The following ST6GAL1 variants were observed in gnomAD, a reference collection of about 807,000 sequenced individuals.
ST6GAL1 encodes ST6 beta-galactoside alpha-2,6-sialyltransferase 1, also known as beta-galactoside alpha-2,6-sialyltransferase 1.
Under a neutral mutation model 38.0 loss-of-function variants are expected in ST6GAL1, and 20 were observed. The observed-to-expected ratio is 0.53, with a 90% confidence interval of 0.37 to 0.77. ST6GAL1 has a LOEUF of 0.77. Ranked by LOEUF, ST6GAL1 falls within the 30% of genes least tolerant of loss-of-function variation. The probability of loss-of-function intolerance (pLI) is 0.00; values close to 1 mark genes in which losing one functional copy is unlikely to be tolerated. For synonymous variants in ST6GAL1, 196 were observed against 188.2 expected (o/e 1.04, Z -0.34); for missense variants, 432 against 496.4 (o/e 0.87, Z 1.23).
At chr3:186,981,365 T>C (rs1165375810) in intron 2 of ST6GAL1, among the ~76,000 whole-genome samples, 7 of 152,226 alleles carry the variant, frequency 4.6e-5, no homozygotes, top group Non-Finnish European at 1.0e-4. Flanking sequence ...GGATTTTGGT[T>C]TGCTTATGTA....
At chr3:187,040,202 T>G (rs904867876) in intron 3 of ST6GAL1, among the ~76,000 whole-genome samples, 3 of 152,242 alleles carry the variant, frequency 2.0e-5, no homozygotes, top group Non-Finnish European at 2.9e-5. Context: ...AAATCTGCTG[T>G]GCTTATCTCA....
At chr3:186,996,217 C>T (rs1716399645) in intron 2 of ST6GAL1, among the ~76,000 whole-genome samples, 1 of 152,146 alleles carries the variant, frequency 6.6e-6, no homozygotes, top group South Asian at 2.1e-4. Context: ...ACCCAAGAAA[C>T]TCTGTGTATT....
At chr3:186,949,821 C>T (rs376875933) in intron 1 of ST6GAL1, among the ~76,000 whole-genome samples, 3 of 152,358 alleles carry the variant, frequency 2.0e-5, no homozygotes, top group African/African-American at 7.2e-5. Flanking sequence ...TCCTCAGTTT[C>T]CTGTCTTAGT....
chr3:186,933,285 C>A (rs1377141556), intron 1 of ST6GAL1, among the ~76,000 whole-genome samples: 2 of 152,186 alleles, frequency 1.3e-5, no homozygotes, highest in Non-Finnish European at 1.5e-5. Flanking sequence ...CCTGACCCAG[C>A]CACATTGGGG....
intron 1 of ST6GAL1, chr3:186,948,855 C>G (rs1439887005): frequency 6.6e-6 from 1 of 152,504 alleles, no homozygotes; most frequent in Non-Finnish European, 1.5e-5. Context: ...CTCTGCACAG[C>G]CCTGGGCCCA....
intron 2 of ST6GAL1, chr3:186,996,462 A>C (rs1267029685): frequency 6.6e-6 from 1 of 152,156 alleles, no homozygotes; most frequent in Non-Finnish European, 1.5e-5. Context: ...TTCCTGGCTA[A>C]AAATAGGAAC....
intron 4 of ST6GAL1, among the ~76,000 whole-genome samples, 170 bp downstream of exon 4, chr3:187,043,480 C>T (rs547283038): frequency 3.3e-5 from 5 of 152,158 alleles, no homozygotes; most frequent in African/African-American, 4.8e-5. Flanking sequence ...GAACAGATGG[C>T]GCTCTAGGCC....
At chr3:186,974,839 C>T (rs183873903) in intron 2 of ST6GAL1, 1 of 152,102 alleles carries the variant, frequency 6.6e-6, no homozygotes, top group Non-Finnish European at 1.5e-5. Flanking sequence ...TGTAGCCTAA[C>T]TTGCCTGCTC....
At chr3:186,971,094 C>T (rs994334224) in intron 2 of ST6GAL1, among the ~76,000 whole-genome samples, 1 of 152,182 alleles carries the variant, frequency 6.6e-6, no homozygotes, top group Non-Finnish European at 1.5e-5. Flanking sequence ...TTTAGCTGTT[C>T]CCTTGTTTTT....
At chr3:187,024,083 A>G (rs903128822) in intron 2 of ST6GAL1, among the ~76,000 whole-genome samples, 1 of 151,390 alleles carries the variant, frequency 6.6e-6, no homozygotes, top group Non-Finnish European at 1.5e-5. Context: ...ATATACATAT[A>G]TACATGTTTT....
intron 5 of ST6GAL1, among the ~76,000 whole-genome samples, chr3:187,062,307 G>A (rs1397260836): frequency 6.6e-6 from 1 of 152,066 alleles, no homozygotes; most frequent in African/African-American, 2.4e-5. Flanking sequence ...GAATTACCGT[G>A]TAATCTAATA....
At chr3:186,993,436 A>G (rs879770359) in intron 2 of ST6GAL1, among the ~76,000 whole-genome samples, 5 of 152,244 alleles carry the variant, frequency 3.3e-5, no homozygotes, top group African/African-American at 7.2e-5. Flanking sequence ...GATGGAAGAC[A>G]TAATGGTGGC....
intron 2 of ST6GAL1, among the ~76,000 whole-genome samples, chr3:186,964,630 C>G (rs553699726): frequency 2.6e-5 from 4 of 152,302 alleles, no homozygotes; most frequent in African/African-American, 9.6e-5. Context: ...AATCTGGAAA[C>G]TCTGTTTCCC....
At position 187,050,534 on chromosome 3, in the gene ST6GAL1, A is replaced by AAGAGAGAGAG. The variant is rs147505225; in HGVS notation, c.608-698_608-689dup. On this transcript the variant is annotated intron_variant, in intron 4 of 7. Transcript: ENST00000169298. ...TGTTTCTGACAATGGCTTACAAAGA[A>AAGAGAGAGAG]AGAGAGAGAGAGAGAGAGAGAGAGA... Among the ~76,000 whole-genome samples, 375 of 87,846 alleles carry AAGAGAGAGAG rather than the reference A, an allele frequency of 4.3e-3. 9 individuals carry two copies. The East Asian group carries it at 0.12, about 27-fold the overall frequency. 57.6% of individuals were successfully genotyped at this position (87,846 alleles called of 152,430 possible). A position where few individuals can be genotyped will look rare whatever the true frequency, so the allele number is the denominator to read the frequency against.
chr3:187,075,987 G>A lies in ST6GAL1; in HGVS notation c.*184G>A. The A allele has an allele frequency of 1.1e-6, 1 of 872,994 alleles. No homozygotes were observed. Among genetic ancestry groups the A allele is most frequent in the South Asian group, 1.8e-5 (1 of 54,952 alleles). The allele number at this position is 872,994 out of a possible 1,614,324, so 54.1% of individuals were successfully genotyped here. A position where few individuals can be genotyped will look rare whatever the true frequency, so the allele number is the denominator to read the frequency against. On this transcript the variant is annotated 3_prime_UTR_variant, in exon 8 of 8. Transcript: ENST00000169298. This position sits in a 1 kb window ranked among gnomAD's most constrained non-coding sequence, Gnocchi z 4.1. ...GAAATCAGGTCCAGCCTTCCCTGTAGCCAGACAGTTTATGAGCCCAGAGCC... is the reference window on the plus strand; with the variant it reads ...GAAATCAGGTCCAGCCTTCCCTGTAACCAGACAGTTTATGAGCCCAGAGCC...
chr3:187,016,585 T>G (rs895373497), intron 2 of ST6GAL1, among the ~76,000 whole-genome samples: 10 of 152,114 alleles, frequency 6.6e-5, no homozygotes, highest in Non-Finnish European at 1.2e-4. Context: ...AGTGATGACT[T>G]CTGTGGATCT....
intron 1 of ST6GAL1, 174 bp downstream of exon 1, chr3:186,931,008 G>C (rs1713724980): frequency 6.5e-6 from 1 of 152,794 alleles, no homozygotes; most frequent in Admixed American, 6.5e-5. Context: ...GCCGCCTTTT[G>C]GTTGGGGGTG....
chr3:187,005,640 T>C (rs1438704887), intron 2 of ST6GAL1, among the ~76,000 whole-genome samples: 1 of 152,246 alleles, frequency 6.6e-6, no homozygotes, highest in Non-Finnish European at 1.5e-5. Context: ...CTTTCTCTTA[T>C]TACATGCAGT....
intron 2 of ST6GAL1, among the ~76,000 whole-genome samples, chr3:187,029,300 C>G (rs1351803751): frequency 6.6e-6 from 1 of 151,850 alleles, no homozygotes; most frequent in African/African-American, 2.4e-5. Context: ...GGATACTTAT[C>G]AATTAAACAA....
Sources: allele counts gnomAD v4.1 joint callset (sites outside exome capture counted in the v4.1 genomes callset), GRCh38; gene constraint gnomAD v4.1.1; non-coding constraint Gnocchi (gnomAD v3.1); transcripts MANE v1.5; gene names NCBI Gene and HGNC (gene_info 2026-07-23, HGNC 2026-07-21).